The following PLEKHA2 variants were observed in gnomAD, a reference collection of about 807,000 sequenced individuals.
PLEKHA2 encodes pleckstrin homology domain containing A2, also known as pleckstrin homology domain-containing family A member 2.
A neutral mutation model predicts 53.2 loss-of-function variants in PLEKHA2; 28 were observed. The ratio of observed to expected loss-of-function variants is 0.53; its 90% CI spans 0.39 to 0.72. The LOEUF (loss-of-function observed/expected upper bound fraction) is 0.72, where lower values mean the gene tolerates loss of function less well. Among genes scored for constraint, PLEKHA2 ranks in the 30% least tolerant of loss-of-function variants. The pLI, the probability that PLEKHA2 is intolerant of heterozygous loss-of-function variation, is 0.00. For synonymous variants in PLEKHA2, 193 were observed against 196.4 expected, an observed-to-expected ratio of 0.98 and a Z score of 0.14; for missense variants, 426 against 537.9, an observed-to-expected ratio of 0.79 and a Z score of 2.06.
rs1224015804 is a variant in PLEKHA2, at chr8:38,950,524, C to T, written c.346-326C>T. ...TTTTACGTTTTTTTTTGTCATTCCC[C>T]CTACTAGCATGTAAGTGCCGTGAAG... On this transcript the variant is annotated intron_variant, in intron 5 of 11. Coordinates refer to ENST00000617275, the MANE Select transcript of PLEKHA2 (RefSeq NM_021623.2). 1.8e-5 allele frequency: 4 copies of T among 216,778 alleles called. No individual in the cohort carries two copies. The East Asian group carries it at 4.2e-4, about 23-fold the overall frequency. The allele number at this position is 216,778 out of a possible 1,614,324, so 13.4% of individuals were successfully genotyped here.
chr8:38,907,622 A>G (rs1274682230), intron 1 of PLEKHA2, among the ~76,000 whole-genome samples: 1 of 152,034 alleles, frequency 6.6e-6, no homozygotes, highest in Non-Finnish European at 1.5e-5. Context: ...TTAGCTGGGT[A>G]TGGTGGTGCA....
intron 5 of PLEKHA2, 80 bp from the exon 6 acceptor site, chr8:38,950,770 G>A (rs572941469): frequency 2.4e-4 from 359 of 1,524,606 alleles, no homozygotes; most frequent in South Asian, 1.5e-3. Context: ...CTTTTCTCAC[G>A]GCAGCCCCAT....
At chr8:38,942,767 C>CACATATGCAGATACTCAGGAGTGT (rs1167839389) in intron 3 of PLEKHA2, among the ~76,000 whole-genome samples, 4 of 152,094 alleles carry the variant, frequency 2.6e-5, no homozygotes, top group Admixed American at 6.6e-5. Flanking sequence ...GATGAGAGTT[C>CACATATGCAGATACTCAGGAGTGT]ACATATGCAG....
intron 2 of PLEKHA2, among the ~76,000 whole-genome samples, chr8:38,918,499 T>TATACACACACCACACACAA (rs1834109069): frequency 1.5e-4 from 2 of 13,544 alleles, no homozygotes; most frequent in African/African-American, 2.9e-4. Flanking sequence ...ACACAACCCA[T>TATACACACACCACACACAA]ACACCAGACA....
At chr8:38,935,415 A>G (rs1440184482) in intron 2 of PLEKHA2, among the ~76,000 whole-genome samples, 2 of 151,546 alleles carry the variant, frequency 1.3e-5, no homozygotes, top group Admixed American at 6.6e-5. Context: ...GAACTTGTTC[A>G]CAGTGGAGCT....
chr8:38,919,870 G>A (rs924493971), intron 2 of PLEKHA2, among the ~76,000 whole-genome samples: 2 of 152,196 alleles, frequency 1.3e-5, no homozygotes, highest in Non-Finnish European at 2.9e-5. Flanking sequence ...TAGGCACACT[G>A]TGACACCCTC....
intron 6 of PLEKHA2, among the ~76,000 whole-genome samples, chr8:38,951,260 G>T (rs1834833311): frequency 6.6e-6 from 1 of 152,084 alleles, no homozygotes; most frequent in Non-Finnish European, 1.5e-5. Flanking sequence ...GAAGATGAGG[G>T]TTTGTGAAAC....
At chr8:38,962,786 G>A (rs965331375) in intron 10 of PLEKHA2, among the ~76,000 whole-genome samples, 16 of 152,232 alleles carry the variant, frequency 1.1e-4, no homozygotes, top group African/African-American at 3.4e-4. Context: ...TGCTATGTCA[G>A]GACAAGAGTA....
At chr8:38,924,814 C>T (rs1834255782) in intron 2 of PLEKHA2, among the ~76,000 whole-genome samples, 1 of 152,178 alleles carries the variant, frequency 6.6e-6, no homozygotes. Context: ...CCTTGAATGT[C>T]TGGCAGAATT....
intron 3 of PLEKHA2, among the ~76,000 whole-genome samples, 196 bp downstream of exon 3, chr8:38,936,246 G>T (rs1834492844): frequency 6.6e-6 from 1 of 152,198 alleles, no homozygotes; most frequent in African/African-American, 2.4e-5. Flanking sequence ...GTTCCAAGTT[G>T]TTGGAGGGTG....
intron 1 of PLEKHA2, among the ~76,000 whole-genome samples, chr8:38,908,503 G>T (rs1746474358): frequency 6.6e-6 from 1 of 152,152 alleles, no homozygotes; most frequent in Non-Finnish European, 1.5e-5. Flanking sequence ...TATACACTTG[G>T]GTGGGAATCT....
chr8:38,944,375 G>A (rs1834668446), intron 4 of PLEKHA2, among the ~76,000 whole-genome samples: 1 of 151,980 alleles, frequency 6.6e-6, no homozygotes, highest in South Asian at 2.1e-4. Flanking sequence ...AAATTAGCTG[G>A]GCGTGGTGGT....
At chr8:38,947,849 G>T (rs1834743999) in intron 5 of PLEKHA2, among the ~76,000 whole-genome samples, 1 of 152,184 alleles carries the variant, frequency 6.6e-6, no homozygotes, top group South Asian at 2.1e-4. Flanking sequence ...AGCACTTTGG[G>T]AGGCTGAGGC....
At chr8:38,934,826 AT>A (rs1834462436) in intron 2 of PLEKHA2, among the ~76,000 whole-genome samples, 1 of 151,826 alleles carries the variant, frequency 6.6e-6, no homozygotes, top group Non-Finnish European at 1.5e-5. Context: ...GTATATATAT[AT>A]ATATTTTTAT....
At position 38,943,801 on chromosome 8, in the gene PLEKHA2, A is replaced by G. The variant is rs200977236; in HGVS notation, c.211A>G (p.Thr71Ala). 77 of 1,577,732 alleles carry G rather than the reference A, an allele frequency of 4.9e-5. No homozygotes were observed. The highest frequency in any genetic ancestry group is 3.8e-5 in the Non-Finnish European group (44 of 1,161,114). Residue 71 changes from threonine (T) to alanine (A), a missense_variant, in exon 4 of 12, where the codon ACC becomes GCC. Transcript: ENST00000617275. ...LTYISKVSIA[T>A]PKQKPKTPFC... is the part of the protein sequence containing the mutation. ...TTATTTGATTTAGGTGAGCATAGCTACCCCAAAACAGAAACCAAAAACTCC... is the reference window on the plus strand; with the variant it reads ...TTATTTGATTTAGGTGAGCATAGCTGCCCCAAAACAGAAACCAAAAACTCC...
At chr8:38,953,869 A>T (rs888696874) in intron 9 of PLEKHA2, among the ~76,000 whole-genome samples, 1 of 152,060 alleles carries the variant, frequency 6.6e-6, no homozygotes, top group Non-Finnish European at 1.5e-5. Flanking sequence ...TGTTACTCCC[A>T]CTGGGAAGGA....
At chr8:38,968,755 A>G (rs1204582380) in intron 11 of PLEKHA2, 86 bp downstream of exon 11, 2 of 1,427,970 alleles carry the variant, frequency 1.4e-6, no homozygotes, top group East Asian at 2.3e-5. Flanking sequence ...GATGTAGGCA[A>G]GCAGCCTGGT....
intron 2 of PLEKHA2, among the ~76,000 whole-genome samples, chr8:38,921,711 T>C (rs1834197955): frequency 6.6e-6 from 1 of 152,258 alleles, no homozygotes; most frequent in African/African-American, 2.4e-5. Context: ...AAGTTTGAAT[T>C]ACCAGGTAAA....
intron 3 of PLEKHA2, among the ~76,000 whole-genome samples, chr8:38,940,548 A>T (rs73615977): frequency 0.011 from 1,607 of 151,272 alleles, 27 homozygotes; most frequent in African/African-American, 0.038. Flanking sequence ...GGACTGCAGG[A>T]ATGTGGACGC....
Sources: allele counts gnomAD v4.1 joint callset (sites outside exome capture counted in the v4.1 genomes callset), GRCh38; gene constraint gnomAD v4.1.1; transcripts MANE v1.5; gene names NCBI Gene and HGNC (gene_info 2026-07-23, HGNC 2026-07-21).